Variants in TALDO1 observed in about 807,000 individuals in gnomAD.
TALDO1 encodes the protein transaldolase.
TALDO1 carries 29 observed loss-of-function variants against 38.1 expected under a neutral mutation model. The observed-to-expected ratio is 0.76, with a 90% CI of 0.57 to 1.04. The LOEUF (loss-of-function observed/expected upper bound fraction) is 1.04, where lower values mean the gene tolerates loss of function less well. TALDO1 is among the 50% of genes least tolerant of loss of function. The pLI is 0.00. For synonymous variants in TALDO1, 207 were observed against 176.8 expected, an observed-to-expected ratio of 1.17 and a Z score of -1.36; for missense variants, 499 against 438.1, an observed-to-expected ratio of 1.14 and a Z score of -1.24.
rs138527456 is a variant in TALDO1 at position 750,364 on chromosome 11, C to T, written c.97+2786C>T. Among the ~76,000 whole-genome samples the T allele has an allele frequency of 2.9e-3, 438 of 152,038 alleles. 2 individuals are homozygous for T. Among genetic ancestry groups the T allele is most frequent in the African/African-American group, 9.0e-3 (374 of 41,484 alleles). On this transcript the variant is annotated intron_variant, in intron 1 of 7. Coordinates refer to ENST00000319006, the MANE Select transcript of TALDO1 (RefSeq NM_006755.2). ...AATAGCCAGGCGTATTGGTGCACACCGTAGTCCTAGCTACTCAGGAGGCTG... is the reference window on the plus strand; with the variant it reads ...AATAGCCAGGCGTATTGGTGCACACTGTAGTCCTAGCTACTCAGGAGGCTG...
intron 4 of TALDO1, among the ~76,000 whole-genome samples, chr11:761,991 G>A (rs534421134): frequency 2.0e-5 from 3 of 151,452 alleles, no homozygotes; most frequent in East Asian, 1.9e-4. Flanking sequence ...TTTTTGAGAC[G>A]GAGTTTCATT....
chr11:752,089 G>A (rs780438762), intron 1 of TALDO1, among the ~76,000 whole-genome samples: 47 of 150,888 alleles, frequency 3.1e-4, no homozygotes, highest in Non-Finnish European at 4.9e-4. Context: ...TTTTTTTTTG[G>A]AGGCGGAGTC....
intron 1 of TALDO1, among the ~76,000 whole-genome samples, chr11:749,383 C>T (rs1476091613): frequency 1.8e-5 from 2 of 111,902 alleles, no homozygotes; most frequent in Non-Finnish European, 3.3e-5. Flanking sequence ...GCCTGGGCGA[C>T]AGAGCAAAAC....
At chr11:756,297 T>TGATACGGCGAC in intron 2 of TALDO1, 2 of 439,228 alleles carry the variant, frequency 4.6e-6, no homozygotes, top group Admixed American at 3.6e-5. Context: ...CCTCCTGTAG[T>TGATACGGCGAC]CAGTCTCCCC....
rs775836671 is a variant in TALDO1 at position 764,344 on chromosome 11, C to T, written c.892C>T (p.His298Tyr). 6.2e-7 allele frequency: 1 copy of T among 1,614,270 alleles called. No individual in the cohort carries two copies. Among genetic ancestry groups the T allele is most frequent in the East Asian group, 2.2e-5 (1 of 44,896 alleles). The change falls in exon 7 of 8, where the codon CAC becomes TAC. Residue 298 changes from histidine to tyrosine, a missense_variant. Physicochemically the swap from His to Tyr is moderately conservative, Grantham distance 83. Coordinates refer to ENST00000319006, the MANE Select transcript of TALDO1 (RefSeq NM_006755.2). Reference sequence around the variant, plus strand: ...GGATGAGAAGTCTTTCCGTTGGTTGCACAACGAGGACCAGATGGCTGTGGA... The same window carrying T: ...GGATGAGAAGTCTTTCCGTTGGTTGTACAACGAGGACCAGATGGCTGTGGA... Reference protein sequence around the residue: ...HLDEKSFRWLHNEDQMAVEKL... With the variant: ...HLDEKSFRWLYNEDQMAVEKL...
At chr11:763,267 T>TCACCCGC (rs1862980422) in intron 4 of TALDO1, 77 bp from the exon 5 acceptor site, 1 of 141,950 alleles carries the variant, frequency 7.0e-6, no homozygotes, top group Admixed American at 8.1e-5. Flanking sequence ...GCCCTCACCG[T>TCACCCGC]CCCCGCCCTC....
chr11:751,347 G>GGT (rs1296363718), intron 1 of TALDO1, among the ~76,000 whole-genome samples: 4 of 152,156 alleles, frequency 2.6e-5, no homozygotes, highest in Non-Finnish European at 2.9e-5. Context: ...CAAGCAGACT[G>GGT]GGTGGTCTTC....
chr11:756,859 C>T (rs903077841), intron 2 of TALDO1, among the ~76,000 whole-genome samples: 2 of 152,176 alleles, frequency 1.3e-5, no homozygotes, highest in Non-Finnish European at 2.9e-5. Context: ...AGAATGTTCT[C>T]TGGTACCTGT....
Position 760,240 on chromosome 11 carries a change from A to G in TALDO1, c.448A>G (p.Ile150Val). The G allele has an allele frequency of 6.2e-7, 1 of 1,614,098 alleles. No individual in the cohort carries two copies. The highest frequency in any genetic ancestry group is 8.5e-7 in the Non-Finnish European group (1 of 1,179,962). Residue 150 changes from isoleucine to valine, a missense_variant, in exon 4 of 8, where the codon ATT (isoleucine) becomes GTT (valine). Physicochemically the swap from Ile to Val is conservative, Grantham distance 29 (BLOSUM62 3). Transcript: ENST00000319006. ...AAAGCTGTCATCAACCTGGGAAGGA[A>G]TTCAGGCTGGAAAGTAAGTGGTCCC... Reference protein sequence around the residue: ...LIKLSSTWEGIQAGKELEEQH... With the variant: ...LIKLSSTWEGVQAGKELEEQH...
intron 1 of TALDO1, 43 bp from the exon 2 acceptor site, chr11:755,836 C>A (rs1325648310): frequency 6.2e-7 from 1 of 1,613,778 alleles, no homozygotes; most frequent in African/African-American, 1.3e-5. Context: ...CAGTTGGAAG[C>A]AAGTACTCCA....
intron 1 of TALDO1, among the ~76,000 whole-genome samples, chr11:755,366 G>C (rs1010444847): frequency 6.6e-6 from 1 of 151,940 alleles, no homozygotes; most frequent in Non-Finnish European, 1.5e-5. Context: ...GGATGGTCTT[G>C]ATCTCCTGAC....
intron 4 of TALDO1, among the ~76,000 whole-genome samples, chr11:762,377 G>C (rs1222760244): frequency 6.6e-6 from 1 of 152,204 alleles, no homozygotes; most frequent in Non-Finnish European, 1.5e-5. Flanking sequence ...GATGTATATT[G>C]CTGTGGTCGG....
At chr11:763,205 CCCCGCCCTCACCT>C (rs1564993973) in intron 4 of TALDO1, 126 bp from the exon 5 acceptor site, 95 of 97,394 alleles carry the variant, frequency 9.8e-4, no homozygotes, top group Middle Eastern at 5.8e-3. Flanking sequence ...CCCTCACCTG[CCCCGCCCTCACCT>C]GCCCCCGCCC....
In TALDO1 at chr11:764,441, TTG is replaced by T; in HGVS notation, c.981+15_981+16del. ...CTGGAGCGGATGCTGACAGTGAGTG[TTG>T]TGTGTGGGTACCTACATATGCCAAG... is the stretch of plus-strand genomic sequence containing the variant. On this transcript the variant is annotated intron_variant, in intron 7 of 7. Coordinates refer to ENST00000319006, the MANE Select transcript of TALDO1 (RefSeq NM_006755.2). 1.2e-5 allele frequency: 20 copies of T among 1,613,828 alleles called. No individual in the cohort carries two copies. Among genetic ancestry groups the T allele is most frequent in the Non-Finnish European group, 1.7e-5 (20 of 1,179,822 alleles).
chr11:758,157 G>A (rs1862870100), intron 2 of TALDO1, among the ~76,000 whole-genome samples: 1 of 152,148 alleles, frequency 6.6e-6, no homozygotes, highest in Non-Finnish European at 1.5e-5. Context: ...AGTGGCGGGC[G>A]CCTGTAGTCC....
At chr11:756,228 G>C (rs1471894761) in intron 2 of TALDO1, 3 of 600,120 alleles carry the variant, frequency 5.0e-6, no homozygotes, top group Non-Finnish European at 8.6e-6. Context: ...TGTGTACCCT[G>C]TAAATACCAC....
intron 1 of TALDO1, among the ~76,000 whole-genome samples, chr11:748,029 C>A (rs570558287): frequency 9.8e-5 from 15 of 152,354 alleles, no homozygotes; most frequent in Admixed American, 2.6e-4. Flanking sequence ...GTGGGCAGCC[C>A]GCGGGAGCCC....
intron 3 of TALDO1, among the ~76,000 whole-genome samples, chr11:759,731 C>G (rs1337661015): frequency 6.6e-6 from 1 of 152,208 alleles, no homozygotes; most frequent in Non-Finnish European, 1.5e-5. Context: ...AGACACCCGC[C>G]ACCATACCCA....
rs1862886365 is a variant in TALDO1 at position 758,877 on chromosome 11, T to A, written c.222-73T>A. ...ACCTCGGCCTCCCAAAGTGCTGGGA[T>A]TACAGGCGTGAGCCACCGCACCTGG... On this transcript the variant is annotated intron_variant, in intron 2 of 7. Coordinates refer to ENST00000319006, the MANE Select transcript of TALDO1 (RefSeq NM_006755.2). 2.4e-6 allele frequency: 3 copies of A among 1,242,522 alleles called. No homozygotes were observed. In the Admixed American group the frequency reaches 5.3e-5, roughly 22 times the overall value. The allele number at this position is 1,242,522 out of a possible 1,614,324, so 77.0% of individuals were successfully genotyped here.
Sources: allele counts gnomAD v4.1 joint callset (sites outside exome capture counted in the v4.1 genomes callset), GRCh38; gene constraint gnomAD v4.1.1; transcripts MANE v1.5; gene names NCBI Gene and HGNC (gene_info 2026-07-23, HGNC 2026-07-21).